The following STK3 variants were observed in gnomAD, a reference collection of about 807,000 sequenced individuals.
STK3 encodes serine/threonine-protein kinase 3.
STK3 carries 41 observed loss-of-function variants against 58.0 expected under a neutral mutation model. The observed-to-expected ratio is 0.71, with a 90% CI of 0.55 to 0.92. The LOEUF (loss-of-function observed/expected upper bound fraction) is 0.92, where lower values mean the gene tolerates loss of function less well. Ranked by LOEUF, STK3 falls within the 40% of genes least tolerant of loss-of-function variation. STK3 has a pLI of 0.00. For missense variants in STK3, 479 were observed against 602.7 expected (o/e 0.79, Z 2.15); for synonymous variants, 170 against 191.0 (o/e 0.89, Z 0.91).
At chr8:98,813,656 C>T (rs917648452) in intron 1 of STK3, among the ~76,000 whole-genome samples, 5 of 152,160 alleles carry the variant, frequency 3.3e-5, no homozygotes, top group Admixed American at 3.3e-4. Flanking sequence ...TTTTTATTAT[C>T]TAAGAATTTT....
chr8:98,880,708 A>T (rs1412029843), downstream of STK3: 2 of 152,358 alleles, frequency 1.3e-5, no homozygotes, highest in Non-Finnish European at 1.5e-5. Flanking sequence ...ACAGACGGAA[A>T]ATAAGCATAC....
At chr8:98,722,959 G>A in intron 4 of STK3, 1 of 452,048 alleles carries the variant, frequency 2.2e-6, no homozygotes, top group Non-Finnish European at 4.3e-6. Context: ...AGTGGTATCT[G>A]TTAAGAATCC....
intron 1 of STK3, among the ~76,000 whole-genome samples, chr8:98,928,848 T>A (rs565022013): frequency 6.6e-6 from 1 of 152,360 alleles, no homozygotes; most frequent in East Asian, 1.9e-4. Flanking sequence ...TTTCTAAACC[T>A]GATAACAGGT....
At chr8:98,833,708 T>A (rs1835632782) in intron 3 of STK3, among the ~76,000 whole-genome samples, 1 of 152,164 alleles carries the variant, frequency 6.6e-6, no homozygotes, top group Admixed American at 6.5e-5. Context: ...CACTGGTCAG[T>A]TGTGCCTAAA....
chr8:98,346,880 T>C, the STK3 span, among the ~76,000 whole-genome samples: 2 of 151,654 alleles, frequency 1.3e-5, no homozygotes, highest in African/African-American at 4.9e-5. Flanking sequence ...ACATTGGAAA[T>C]GGTAGCTACA....
chr8:98,931,825 T>C (rs1229119757), intron 1 of STK3, among the ~76,000 whole-genome samples: 3 of 152,214 alleles, frequency 2.0e-5, no homozygotes, highest in Non-Finnish European at 4.4e-5. Context: ...GTATACTTTC[T>C]TTTACTCTAA....
At chr8:98,574,101 G>T (rs954576648) in intron 8 of STK3, among the ~76,000 whole-genome samples, 76 of 151,926 alleles carry the variant, frequency 5.0e-4, no homozygotes, top group African/African-American at 1.4e-3. Flanking sequence ...TTTGGGTAGG[G>T]CCACAGCCAA....
intron 1 of STK3, among the ~76,000 whole-genome samples, chr8:98,930,959 C>T (rs930752754): frequency 2.6e-5 from 4 of 152,228 alleles, no homozygotes; most frequent in African/African-American, 9.6e-5. Flanking sequence ...ATGGAGCTGA[C>T]CCTACAAGCT....
chr8:98,824,009 T>C (rs932454331), intron 1 of STK3, among the ~76,000 whole-genome samples: 1 of 152,196 alleles, frequency 6.6e-6, no homozygotes, highest in African/African-American at 2.4e-5. Context: ...TCCTCATCTA[T>C]AAATTAGGAT....
intron 2 of STK3, among the ~76,000 whole-genome samples, chr8:98,772,408 G>A (rs900836296): frequency 2.0e-5 from 3 of 151,984 alleles, no homozygotes; most frequent in African/African-American, 7.2e-5. Flanking sequence ...TATTTAAAGC[G>A]GTGTGGCAGG....
intron 1 of STK3, among the ~76,000 whole-genome samples, chr8:98,803,877 T>C (rs895930287): frequency 1.3e-5 from 2 of 152,154 alleles, no homozygotes; most frequent in Non-Finnish European, 2.9e-5. Context: ...TAGCCCTTGA[T>C]AACCAAGAGG....
At chr8:98,459,502 G>T (rs993968902) in intron 10 of STK3, among the ~76,000 whole-genome samples, 2 of 152,218 alleles carry the variant, frequency 1.3e-5, no homozygotes, top group African/African-American at 4.8e-5. Flanking sequence ...GGAGAAATTC[G>T]AGCCTGCAGC....
chr8:98,597,938 T>C, intron 6 of STK3: 1 of 985,138 alleles, frequency 1.0e-6, no homozygotes, highest in Non-Finnish European at 1.2e-6. Context: ...AGGCAGAACC[T>C]AATAAGGCTT....
chr8:98,755,666 C>T (rs1483447986), intron 3 of STK3, among the ~76,000 whole-genome samples: 1 of 152,164 alleles, frequency 6.6e-6, no homozygotes, highest in African/African-American at 2.4e-5. Flanking sequence ...TATACAGTGG[C>T]CATCCTCTGA....
chr8:98,479,412 G>A (rs918452645), intron 10 of STK3, among the ~76,000 whole-genome samples: 3 of 149,778 alleles, frequency 2.0e-5, no homozygotes, highest in South Asian at 2.1e-4. Context: ...GCTTGAGTCC[G>A]GGAGGTGGAG....
At chr8:98,864,976 T>C (rs1404127578) in intron 3 of STK3, among the ~76,000 whole-genome samples, 2 of 152,160 alleles carry the variant, frequency 1.3e-5, no homozygotes, top group Non-Finnish European at 2.9e-5. Context: ...CTTGCACATA[T>C]CACTTCAGCT....
intron 3 of STK3, among the ~76,000 whole-genome samples, chr8:98,873,665 T>C (rs1178424869): frequency 6.6e-6 from 1 of 150,734 alleles, no homozygotes; most frequent in Non-Finnish European, 1.5e-5. Context: ...TTGCAACCCC[T>C]GCTTTTTTTT....
upstream of STK3, among the ~76,000 whole-genome samples, chr8:98,830,239 A>G (rs1835475318): frequency 6.6e-6 from 1 of 151,674 alleles, no homozygotes; most frequent in Non-Finnish European, 1.5e-5. Flanking sequence ...AAAAAATAAA[A>G]AGTAAATAAA....
chr8:98,553,445 G>T (rs540507322), intron 8 of STK3: 1 of 152,194 alleles, frequency 6.6e-6, no homozygotes, highest in South Asian at 2.1e-4. Flanking sequence ...TTTATTGAAT[G>T]AATGTTAAAT....
Sources: allele counts gnomAD v4.1 joint callset (sites outside exome capture counted in the v4.1 genomes callset), GRCh38; gene constraint gnomAD v4.1.1; transcripts MANE v1.5; gene names NCBI Gene and HGNC (gene_info 2026-07-23, HGNC 2026-07-21).